Variants in PCDHGB5 observed in about 807,000 individuals in gnomAD.
PCDHGB5 encodes protocadherin gamma-B5.
PCDHGB5 carries 48 observed loss-of-function variants against 62.9 expected under a neutral mutation model. The observed-to-expected ratio is 0.76, with a 90% CI of 0.61 to 0.97. The LOEUF (loss-of-function observed/expected upper bound fraction) is 0.97, where lower values mean the gene tolerates loss of function less well. Ranked by LOEUF, PCDHGB5 falls within the 50% of genes least tolerant of loss-of-function variation. The pLI, the probability that PCDHGB5 is intolerant of heterozygous loss-of-function variation, is 0.00. For synonymous variants in PCDHGB5, 474 were observed against 511.2 expected (o/e 0.93, Z 0.98); for missense variants, 1,118 against 1,198.6 (o/e 0.93, Z 0.99).
chr5:141,492,274 A>C (rs2099739010), intron 1 of PCDHGB5, among the ~76,000 whole-genome samples: 1 of 152,024 alleles, frequency 6.6e-6, no homozygotes, highest in Non-Finnish European at 1.5e-5. Flanking sequence ...CGGGCTCGCC[A>C]CGCCCCGCCA....
intron 1 of PCDHGB5, among the ~76,000 whole-genome samples, chr5:141,460,445 G>A (rs896549154): frequency 7.2e-5 from 11 of 152,144 alleles, no homozygotes; most frequent in Admixed American, 5.9e-4. Flanking sequence ...AGGTAACAAT[G>A]AAGATTCATA....
At chr5:141,441,827 A>G (rs1344314632) in intron 1 of PCDHGB5, 1 of 355,628 alleles carries the variant, frequency 2.8e-6, no homozygotes, top group Non-Finnish European at 5.6e-6. Flanking sequence ...CTGGAGCGCA[A>G]TGGCTTCGCG....
At chr5:141,415,476 G>A (rs765634887) in intron 1 of PCDHGB5, 1 of 1,614,076 alleles carries the variant, frequency 6.2e-7, no homozygotes. Context: ...CCGCGGACTC[G>A]CGAAAGAGTC....
chr5:141,403,242 C>A, intron 1 of PCDHGB5: 1 of 1,613,932 alleles, frequency 6.2e-7, no homozygotes, highest in Non-Finnish European at 8.5e-7. Flanking sequence ...GAGCTCTGTG[C>A]TCAGAGCCCG....
intron 2 of PCDHGB5, among the ~76,000 whole-genome samples, chr5:141,503,998 A>G (rs746158378): frequency 4.6e-5 from 7 of 152,104 alleles, no homozygotes; most frequent in Admixed American, 1.3e-4. Context: ...CCTTACAGTC[A>G]CTTAACTGTC....
At chr5:141,403,365 T>C in intron 1 of PCDHGB5, 1 of 1,614,024 alleles carries the variant, frequency 6.2e-7, no homozygotes, top group Non-Finnish European at 8.5e-7. Flanking sequence ...GCCGAAAGTC[T>C]GGAAGTAAAA....
Position 141,510,960 on chromosome 5 carries a change from G to C in PCDHGB5, c.2559G>C (p.Gly853=). The change falls in exon 4 of 4, where the codon GGG becomes GGC. Residue 853 remains glycine, a synonymous_variant. Transcript: ENST00000617380. ...CTGTCTCTGCAGAAGCTGCTGATGG[G>C]AGCTCCACCCTGGGAGGGGGTGCCG... The part of the protein sequence containing the change: ...ILASASEAAD[G]SSTLGGGAGT... 1 of 1,614,120 alleles carries C rather than the reference G, an allele frequency of 6.2e-7. No homozygotes were observed. Among genetic ancestry groups the C allele is most frequent in the Non-Finnish European group, 8.5e-7 (1 of 1,180,022 alleles).
intron 1 of PCDHGB5, among the ~76,000 whole-genome samples, chr5:141,442,789 T>C (rs2098343347): frequency 6.6e-6 from 1 of 152,196 alleles, no homozygotes; most frequent in African/African-American, 2.4e-5. Flanking sequence ...ATTTTATAAT[T>C]TTACTTTGAT....
Position 141,478,507 on chromosome 5 carries a change from T to C in PCDHGB5, c.2398-16300T>C, listed in dbSNP as rs781120326. The C allele has an allele frequency of 4.3e-6, 7 of 1,612,048 alleles. No homozygotes were observed. In the East Asian group the frequency reaches 1.3e-4, roughly 31 times the overall value. On this transcript the variant is annotated intron_variant, in intron 1 of 3. Transcript: ENST00000617380. The stretch of plus-strand genomic sequence containing the variant: ...TGCGGAGCTGTGATCCGGTGTTCTA[T>C]AGGCAGGTGTTGGGTGCAGAGAGCG...
intron 1 of PCDHGB5, among the ~76,000 whole-genome samples, chr5:141,482,794 G>A (rs374042779): frequency 6.2e-5 from 8 of 129,246 alleles, no homozygotes; most frequent in Non-Finnish European, 8.1e-5. Flanking sequence ...GTGTGTGGCC[G>A]GGTACGGTGG....
intron 1 of PCDHGB5, among the ~76,000 whole-genome samples, chr5:141,445,277 A>G (rs769047096): frequency 6.6e-6 from 1 of 152,256 alleles, no homozygotes; most frequent in African/African-American, 2.4e-5. Flanking sequence ...ACCACTCTGC[A>G]TAAGTTCAGG....
intron 1 of PCDHGB5, 153 bp downstream of exon 1, chr5:141,400,677 ATTGTGAGTT>A (rs1177028391): frequency 1.1e-6 from 1 of 900,130 alleles, no homozygotes; most frequent in African/African-American, 1.7e-5. Flanking sequence ...GGAGCAGTAA[ATTGTGAGTT>A]TTTATGTCGC....
Position 141,487,691 on chromosome 5 carries a change from A to T in PCDHGB5, c.2398-7116A>T. On this transcript the variant is annotated intron_variant, in intron 1 of 3. Transcript: ENST00000617380. The surrounding 1 kb of genome is among the most constrained non-coding windows in gnomAD (Gnocchi z 5.0). ...CATATGGCTAGGCCATGTCCTAGAG[A>T]GTACTGGCCTCTCAGTAAGTGCCCA... 6.2e-7 allele frequency: 1 copy of T among 1,604,122 alleles called. No individual in the cohort carries two copies. The highest frequency in any genetic ancestry group is 8.5e-7 in the Non-Finnish European group (1 of 1,174,384).
chr5:141,492,948 CA>C (rs2099745260), intron 1 of PCDHGB5, among the ~76,000 whole-genome samples: 1 of 152,188 alleles, frequency 6.6e-6, no homozygotes, highest in Non-Finnish European at 1.5e-5. Flanking sequence ...TGGAGGTGAC[CA>C]AACTATCTGA....
intron 1 of PCDHGB5, chr5:141,479,217 A>G (rs1433108919): frequency 1.3e-5 from 2 of 152,400 alleles, no homozygotes; most frequent in Non-Finnish European, 2.9e-5. Context: ...TTAAAAAATT[A>G]AAACTATAAT....
chr5:141,453,021 A>G (rs1008711775), intron 1 of PCDHGB5, among the ~76,000 whole-genome samples: 1 of 152,200 alleles, frequency 6.6e-6, no homozygotes, highest in Non-Finnish European at 1.5e-5. Context: ...TATGTGATTC[A>G]TTAAAATAAA....
intron 1 of PCDHGB5, among the ~76,000 whole-genome samples, chr5:141,469,304 C>T (rs890230691): frequency 2.0e-5 from 3 of 151,892 alleles, no homozygotes; most frequent in East Asian, 1.9e-4. Flanking sequence ...AGACTGGGCA[C>T]GATGGCTCAC....
At chr5:141,422,781 A>C (rs746943605) in intron 1 of PCDHGB5, 13 of 1,613,964 alleles carry the variant, frequency 8.1e-6, no homozygotes, top group African/African-American at 1.3e-5. Flanking sequence ...TCTATGCCCT[A>C]CAATCCTTCG....
chr5:141,474,608 T>G (rs1469173973), intron 1 of PCDHGB5, among the ~76,000 whole-genome samples: 1 of 152,268 alleles, frequency 6.6e-6, no homozygotes, highest in Non-Finnish European at 1.5e-5. Flanking sequence ...AGGTCACATA[T>G]GGCTTTTCAT....
Sources: allele counts gnomAD v4.1 joint callset (sites outside exome capture counted in the v4.1 genomes callset), GRCh38; gene constraint gnomAD v4.1.1; non-coding constraint Gnocchi (gnomAD v3.1); transcripts MANE v1.5; gene names NCBI Gene and HGNC (gene_info 2026-07-23, HGNC 2026-07-21).